ELF1: variants seen among roughly 807,000 people sequenced by gnomAD.
The protein encoded by ELF1 is ETS-related transcription factor Elf-1.
ELF1 carries 24 observed loss-of-function variants against 59.9 expected under a neutral mutation model. That is an observed-to-expected ratio of 0.40 (90% CI 0.29 to 0.56). The LOEUF is 0.56. ELF1 is among the 20% of genes least tolerant of loss of function. The pLI, the probability that ELF1 is intolerant of heterozygous loss-of-function variation, is 0.44. For missense variants in ELF1, 627 were observed against 742.2 expected (o/e 0.84, Z 1.80); for synonymous variants, 248 against 266.2 (o/e 0.93, Z 0.67).
chr13:40,958,848 TGTC>T lies in ELF1; in HGVS notation c.238_240del (p.Asp80del), dbSNP rs1173774478. 3 of 1,611,418 alleles carry T rather than the reference TGTC, an allele frequency of 1.9e-6. No individual in the cohort carries two copies. Among genetic ancestry groups the T allele is most frequent in the Non-Finnish European group, 2.5e-6 (3 of 1,178,416 alleles). On this transcript the variant is annotated inframe_deletion, in exon 3 of 9. Coordinates refer to ENST00000239882, the MANE Select transcript of ELF1 (RefSeq NM_172373.4). ...GAGACACACGCACCTGTAAGGGTGA[TGTC>T]ATCATCATCATCGTCTATGATTTCT...
chr13:40,951,281 A>G (rs969755739), intron 4 of ELF1, 48 bp downstream of exon 4: 1 of 1,405,086 alleles, frequency 7.1e-7, no homozygotes, highest in South Asian at 1.3e-5. Context: ...AAAGATGGCA[A>G]GAGTAACTTA....
intron 1 of ELF1, chr13:41,060,805 T>C (rs1328811240): frequency 1.5e-5 from 3 of 201,358 alleles, no homozygotes; most frequent in African/African-American, 2.3e-5. Flanking sequence ...CTAGACCATA[T>C]GGGAAGTGCT....
At chr13:41,060,812 T>G in intron 1 of ELF1, 1 of 218,316 alleles carries the variant, frequency 4.6e-6, no homozygotes, top group Non-Finnish European at 9.4e-6. Context: ...ATATGGGAAG[T>G]GCTATGAGAA....
At chr13:41,058,709 A>G (rs1375988891) in intron 1 of ELF1, among the ~76,000 whole-genome samples, 1 of 152,182 alleles carries the variant, frequency 6.6e-6, no homozygotes, top group African/African-American at 2.4e-5. Context: ...GTGGTGGCTC[A>G]TGCCTGTAAT....
chr13:41,055,154 G>C (rs1736308201), intron 1 of ELF1, among the ~76,000 whole-genome samples: 1 of 152,116 alleles, frequency 6.6e-6, no homozygotes, highest in Admixed American at 6.5e-5. Context: ...TATGTCCCCA[G>C]ACACTTCCAG....
intron 1 of ELF1, among the ~76,000 whole-genome samples, chr13:41,052,185 C>T (rs993671079): frequency 6.6e-6 from 1 of 152,096 alleles, no homozygotes; most frequent in Non-Finnish European, 1.5e-5. Context: ...AGTGATCTGC[C>T]CACCTCAGCC....
chr13:41,060,753 T>TA (rs931510174), intron 1 of ELF1: 2 of 163,548 alleles, frequency 1.2e-5, no homozygotes, highest in African/African-American at 4.9e-5. Flanking sequence ...ATACCGGGAG[T>TA]CGAACCCGGG....
chr13:40,955,156 G>A (rs1342083903), intron 3 of ELF1, among the ~76,000 whole-genome samples: 2 of 150,098 alleles, frequency 1.3e-5, no homozygotes, highest in Non-Finnish European at 3.0e-5. Context: ...GAGAAGTGAG[G>A]AGCCCCTCCG....
intron 1 of ELF1, among the ~76,000 whole-genome samples, chr13:41,054,775 G>A (rs1375591019): frequency 6.6e-6 from 1 of 152,134 alleles, no homozygotes; most frequent in African/African-American, 2.4e-5. Flanking sequence ...ACAGGAAAGG[G>A]ACAGTGGAGA....
intron 2 of ELF1, among the ~76,000 whole-genome samples, chr13:40,978,032 C>A (rs1442139862): frequency 6.6e-6 from 1 of 152,098 alleles, no homozygotes; most frequent in Admixed American, 6.5e-5. Context: ...TACCTCACAT[C>A]ATACAAAAAT....
At chr13:40,963,454 TCTC>T (rs1439158103) in intron 2 of ELF1, among the ~76,000 whole-genome samples, 1 of 152,210 alleles carries the variant, frequency 6.6e-6, no homozygotes, top group Non-Finnish European at 1.5e-5. Context: ...CCTACAGCCT[TCTC>T]CTTCTGAGGT....
intron 2 of ELF1, among the ~76,000 whole-genome samples, chr13:40,962,212 T>A (rs1360800136): frequency 6.6e-6 from 1 of 152,198 alleles, no homozygotes; most frequent in African/African-American, 2.4e-5. Flanking sequence ...AAATGTACAG[T>A]CAGGCATACT....
chr13:41,043,155 GT>G (rs1372553860), intron 1 of ELF1, among the ~76,000 whole-genome samples: 1 of 152,050 alleles, frequency 6.6e-6, no homozygotes, highest in Non-Finnish European at 1.5e-5. Context: ...GGGGTTGTTT[GT>G]TTTTTTCTTG....
At chr13:41,058,385 A>G (rs1877365719) in intron 1 of ELF1, among the ~76,000 whole-genome samples, 1 of 152,108 alleles carries the variant, frequency 6.6e-6, no homozygotes, top group African/African-American at 2.4e-5. Context: ...TCAGTTCTTC[A>G]AGGTCCACTC....
In ELF1 at chr13:41,052,588, C is replaced by T. The variant is rs974035131; in HGVS notation, c.-229+8250G>A. ...TTCCTTGGCCAGGCACAGTCGCTCA[C>T]GCCTGTAATCCCAGCACTTTAGAAA... is the stretch of plus-strand genomic sequence containing the variant. On this transcript the variant is annotated intron_variant, in intron 1 of 1. Transcript: ENST00000405737. Among the ~76,000 whole-genome samples, 8 of 152,208 alleles carry T rather than the reference C, an allele frequency of 5.3e-5. No homozygotes were observed. In the East Asian group the frequency reaches 5.8e-4, roughly 11 times the overall value.
At chr13:41,045,660 T>G (rs1350659368) in intron 1 of ELF1, among the ~76,000 whole-genome samples, 1 of 152,214 alleles carries the variant, frequency 6.6e-6, no homozygotes, top group Non-Finnish European at 1.5e-5. Context: ...TGTTATAATT[T>G]CTGTTCTTTT....
At chr13:41,060,794 G>C (rs1048601355) in intron 1 of ELF1, 2 of 188,630 alleles carry the variant, frequency 1.1e-5, no homozygotes, top group African/African-American at 2.3e-5. Flanking sequence ...AATCCTAACC[G>C]CTAGACCATA....
At position 41,051,067 on chromosome 13, in the gene ELF1, C is replaced by T. The variant is rs374965480; in HGVS notation, c.-229+9771G>A. 2.6e-4 allele frequency among the ~76,000 whole-genome samples: 40 copies of T among 152,286 alleles called. No individual in the cohort carries two copies. The South Asian group carries it at 8.3e-3, about 32-fold the overall frequency. ...AAACTTTATGTGCCTTCATTTCCCA[C>T]ACATTTGTGGCAAAAAGCCATCTAA... On this transcript the variant is annotated intron_variant, in intron 1 of 1. Coordinates refer to the ELF1 transcript ENST00000405737.
At chr13:40,956,935 GC>G (rs1385615186) in intron 3 of ELF1, among the ~76,000 whole-genome samples, 1 of 151,178 alleles carries the variant, frequency 6.6e-6, no homozygotes, top group Non-Finnish European at 1.5e-5. Context: ...CAAGTGATCT[GC>G]CCACCTTGGC....
Sources: gnomAD v4.1 joint callset for allele counts (sites outside exome capture counted in the v4.1 genomes callset) on GRCh38, gnomAD v4.1.1 for gene constraint, MANE v1.5 for transcripts, NCBI Gene and HGNC (gene_info 2026-07-23, HGNC 2026-07-21) for gene names.